Variants in MED12L observed in about 807,000 individuals in gnomAD.
MED12L encodes the protein mediator complex subunit 12L, also known as mediator of RNA polymerase II transcription subunit 12-like protein.
MED12L carries 60 observed loss-of-function variants against 281.3 expected under a neutral mutation model. The ratio of observed to expected loss-of-function variants is 0.21; its 90% confidence interval spans 0.17 to 0.26. MED12L has a LOEUF of 0.26. Among genes scored for constraint, MED12L ranks in the 10% least tolerant of loss-of-function variants. MED12L has a pLI of 1.00. For synonymous variants in MED12L, 974 were observed against 987.2 expected, an observed-to-expected ratio of 0.99 and a Z score of 0.25; for missense variants, 2,146 against 2,680.9, an observed-to-expected ratio of 0.80 and a Z score of 4.41.
At chr3:151,172,180 C>G (rs1355004986) in intron 11 of MED12L, among the ~76,000 whole-genome samples, 1 of 152,148 alleles carries the variant, frequency 6.6e-6, no homozygotes, top group Admixed American at 6.5e-5. Flanking sequence ...GTGAAATCAG[C>G]AGTTTAGTGT....
At chr3:151,117,470 A>G (rs1396358694) in intron 3 of MED12L, among the ~76,000 whole-genome samples, 1 of 152,002 alleles carries the variant, frequency 6.6e-6, no homozygotes, top group Non-Finnish European at 1.5e-5. Context: ...CCTACCTATC[A>G]TTACCTTTTC....
intron 16 of MED12L, chr3:151,200,831 TATC>T (rs1456945488): frequency 1.3e-5 from 2 of 152,262 alleles, no homozygotes; most frequent in Admixed American, 1.3e-4. Flanking sequence ...TTTAACTTCT[TATC>T]ATTTCCATAA....
chr3:151,294,184 A>G (rs765410291), intron 16 of MED12L: 1 of 1,594,460 alleles, frequency 6.3e-7, no homozygotes. Flanking sequence ...CATCAGTGTA[A>G]TCATAATATA....
intron 5 of MED12L, among the ~76,000 whole-genome samples, chr3:151,135,326 T>C (rs1287828374): frequency 6.6e-6 from 1 of 152,246 alleles, no homozygotes; most frequent in Non-Finnish European, 1.5e-5. Context: ...CTGATAGTAC[T>C]TTTTAAGAAT....
chr3:151,357,519 C>T, intron 20 of MED12L, 143 bp downstream of exon 20: 1 of 690,248 alleles, frequency 1.4e-6, no homozygotes, highest in Non-Finnish European at 2.2e-6. Flanking sequence ...TGCCAGAAAA[C>T]ATCGATCAAA....
chr3:151,300,114 T>C (rs770958822), intron 16 of MED12L: 1 of 1,598,364 alleles, frequency 6.3e-7, no homozygotes, highest in Non-Finnish European at 8.6e-7. Context: ...TCAGTTGTGA[T>C]GCACTGTAAG....
chr3:151,188,130 A>G, intron 12 of MED12L: 1 of 318,962 alleles, frequency 3.1e-6, no homozygotes, highest in Non-Finnish European at 5.8e-6. Flanking sequence ...AACGCGCCCG[A>G]TCTCGTCTGA....
At chr3:151,086,735 T>A in intron 1 of MED12L, 63 bp from the exon 2 acceptor site, 1 of 515,690 alleles carries the variant, frequency 1.9e-6, no homozygotes, top group Non-Finnish European at 3.5e-6. Flanking sequence ...GCTGTCCCCA[T>A]CAGTGCGTGT....
chr3:151,332,950 T>C (rs1750521037), intron 16 of MED12L, among the ~76,000 whole-genome samples: 1 of 152,166 alleles, frequency 6.6e-6, no homozygotes, highest in Admixed American at 6.5e-5. Context: ...TTTGTGTCCA[T>C]ATGAATTCAA....
chr3:151,416,194 G>T, intron 42 of MED12L, 118 bp from the exon 43 acceptor site: 2 of 1,544,700 alleles, frequency 1.3e-6, no homozygotes, highest in Non-Finnish European at 1.8e-6. Context: ...CAGCAGGCAG[G>T]TATATATTGT....
At chr3:151,371,473 A>G (rs921906425) in intron 26 of MED12L, among the ~76,000 whole-genome samples, 3 of 152,244 alleles carry the variant, frequency 2.0e-5, no homozygotes, top group African/African-American at 7.2e-5. Flanking sequence ...AATGAGAAAC[A>G]TATGATTATA....
intron 16 of MED12L, among the ~76,000 whole-genome samples, chr3:151,268,259 A>G (rs1034391546): frequency 3.3e-5 from 5 of 151,848 alleles, no homozygotes; most frequent in Admixed American, 6.6e-5. Context: ...TTACTTATAT[A>G]TATATATAAG....
At chr3:151,094,833 A>C (rs1483499552) in intron 2 of MED12L, among the ~76,000 whole-genome samples, 2 of 152,234 alleles carry the variant, frequency 1.3e-5, no homozygotes, top group African/African-American at 4.8e-5. Flanking sequence ...AGTACATTAA[A>C]GAATAATTAT....
chr3:151,346,339 A>G (rs1020446936), intron 16 of MED12L, among the ~76,000 whole-genome samples: 1 of 152,170 alleles, frequency 6.6e-6, no homozygotes, highest in African/African-American at 2.4e-5. Flanking sequence ...TAGGTCTGAA[A>G]CAAGAGTCTT....
At chr3:151,389,462 A>G (rs997127822) in intron 37 of MED12L, among the ~76,000 whole-genome samples, 1 of 152,188 alleles carries the variant, frequency 6.6e-6, no homozygotes, top group Non-Finnish European at 1.5e-5. Context: ...CTTTGCAGCT[A>G]CTATAAGGAA....
intron 16 of MED12L, among the ~76,000 whole-genome samples, chr3:151,343,446 T>C (rs947962262): frequency 1.3e-5 from 2 of 152,338 alleles, no homozygotes; most frequent in African/African-American, 4.8e-5. Context: ...ACCACATACC[T>C]ATTTACAAAC....
At chr3:151,145,711 A>T (rs1426214832) in intron 5 of MED12L, among the ~76,000 whole-genome samples, 1 of 152,226 alleles carries the variant, frequency 6.6e-6, no homozygotes, top group Admixed American at 6.5e-5. Flanking sequence ...GTTTCATTAA[A>T]ACAAGTTAAG....
In MED12L at chr3:151,291,912, A is replaced by G. The variant is rs549427196; in HGVS notation, c.2251-58147A>G. On this transcript the variant is annotated intron_variant, in intron 16 of 44. Coordinates refer to ENST00000687756, the MANE Select transcript of MED12L (RefSeq NM_001393769.1). ...CTGTGTTTTTAGCCTACGTTTGAAG[A>G]TATTCCATTGATTTAATAATGTCAT... 5.3e-5 allele frequency among the ~76,000 whole-genome samples: 8 copies of G among 152,352 alleles called. No homozygotes were observed. In the South Asian group the frequency reaches 1.4e-3, roughly 28 times the overall value.
chr3:151,234,485 T>C (rs530210113), intron 16 of MED12L, among the ~76,000 whole-genome samples: 16 of 152,256 alleles, frequency 1.1e-4, no homozygotes, highest in South Asian at 4.1e-4. Flanking sequence ...TTTTACTAGC[T>C]TGTCTGTTTT....
Sources: allele counts gnomAD v4.1 joint callset (sites outside exome capture counted in the v4.1 genomes callset), GRCh38; gene constraint gnomAD v4.1.1; transcripts MANE v1.5; gene names NCBI Gene and HGNC (gene_info 2026-07-23, HGNC 2026-07-21).